PPA1: variants seen among roughly 807,000 people sequenced by gnomAD.
PPA1 encodes the protein inorganic pyrophosphatase 1, also known as inorganic pyrophosphatase.
A neutral mutation model predicts 41.8 loss-of-function variants in PPA1; 23 were observed. The ratio of observed to expected loss-of-function variants is 0.55; its 90% CI spans 0.40 to 0.78. The LOEUF (loss-of-function observed/expected upper bound fraction) is 0.78. Among genes scored for constraint, PPA1 ranks in the 30% least tolerant of loss-of-function variants. The pLI, the probability that PPA1 is intolerant of heterozygous loss-of-function variation, is 0.00. For missense variants in PPA1, 320 were observed against 361.6 expected, an observed-to-expected ratio of 0.89 and a Z score of 0.93; for synonymous variants, 101 against 116.8, an observed-to-expected ratio of 0.86 and a Z score of 0.87.
At chr10:70,233,185 C>G (rs1197052258) in intron 1 of PPA1, 79 bp downstream of exon 1, 12 of 1,453,246 alleles carry the variant, frequency 8.3e-6, no homozygotes, top group Non-Finnish European at 1.0e-5. Flanking sequence ...CGAGCGCGGG[C>G]CGCACCCTCC....
At position 70,221,058 on chromosome 10, in the gene PPA1, T is replaced by TTATATATA. The variant is rs1470145450; in HGVS notation, c.124-2249_124-2242dup. Among the ~76,000 whole-genome samples, 140 of 23,190 alleles carry TTATATATA rather than the reference T, an allele frequency of 6.0e-3. 13 individuals carry two copies. Among genetic ancestry groups the TTATATATA allele is most frequent in the African/African-American group, 0.055 (134 of 2,444 alleles). The allele number at this position is 23,190 out of a possible 152,430, so 15.2% of individuals were successfully genotyped here. A position where few individuals can be genotyped will look rare whatever the true frequency, so the allele number is the denominator to read the frequency against. ...TATATAAATTATATATATATATAAT[T>TTATATATA]TATATATATATATATATATTTTTTT... On this transcript the variant is annotated intron_variant, in intron 2 of 10. Transcript: ENST00000373232.
chr10:70,233,037 G>A (rs955052063), intron 1 of PPA1, among the ~76,000 whole-genome samples: 3 of 152,152 alleles, frequency 2.0e-5, no homozygotes, highest in Admixed American at 2.0e-4. Flanking sequence ...GTGACAAAGG[G>A]ACCATCTCCG....
Position 70,214,588 on chromosome 10 carries a change from TAA to T in PPA1, c.298-4_298-3del. ...ATTGTGCCCTGGGTCTTCCCAAGTC[TAA>T]AAATATAAGACAGTGTATATCATTC... On this transcript the variant is annotated splice_polypyrimidine_tract_variant and splice_region_variant and intron_variant, in intron 4 of 10. Transcript: ENST00000373232. 2 of 1,608,076 alleles carry T rather than the reference TAA, an allele frequency of 1.2e-6. No homozygotes were observed. The highest frequency in any genetic ancestry group is 1.7e-6 in the Non-Finnish European group (2 of 1,174,760).
At chr10:70,223,899 C>A (rs1197045160) in intron 2 of PPA1, among the ~76,000 whole-genome samples, 10 of 152,180 alleles carry the variant, frequency 6.6e-5, no homozygotes, top group Non-Finnish European at 1.3e-4. Flanking sequence ...CTTCCCAGAA[C>A]TCCATCCTCC....
intron 2 of PPA1, among the ~76,000 whole-genome samples, chr10:70,223,263 G>T (rs1007301438): frequency 6.6e-6 from 1 of 151,322 alleles, no homozygotes; most frequent in Non-Finnish European, 1.5e-5. Context: ...CATCCAGACT[G>T]GAGTACAGTG....
intron 2 of PPA1, among the ~76,000 whole-genome samples, chr10:70,223,750 C>T (rs750398912): frequency 1.3e-5 from 2 of 152,172 alleles, no homozygotes; most frequent in African/African-American, 2.4e-5. Flanking sequence ...CCAATATTCA[C>T]GCACTTAAAA....
chr10:70,221,060 A>T (rs866389518), intron 2 of PPA1, among the ~76,000 whole-genome samples: 449 of 15,140 alleles, frequency 0.03, 56 homozygotes, highest in African/African-American at 0.19. Context: ...TATATAATTT[A>T]TATATATATA....
intron 2 of PPA1, among the ~76,000 whole-genome samples, chr10:70,220,732 A>G (rs1840140652): frequency 6.9e-5 from 1 of 14,404 alleles, no homozygotes; most frequent in African/African-American, 3.7e-4. Context: ...TATATAATAT[A>G]TATAATTTAT....
At chr10:70,220,823 T>TTTTTATATATA (rs1840144749) in intron 2 of PPA1, among the ~76,000 whole-genome samples, 1 of 4,198 alleles carries the variant, frequency 2.4e-4, no homozygotes, top group Non-Finnish European at 3.5e-4. Context: ...TTATATATAT[T>TTTTTATATATA]ATATATATAA....
intron 2 of PPA1, among the ~76,000 whole-genome samples, chr10:70,225,104 A>G (rs1467372645): frequency 6.6e-6 from 1 of 152,204 alleles, no homozygotes; most frequent in Admixed American, 6.5e-5. Flanking sequence ...AGTGGCTGAC[A>G]TTAGCATTTT....
intron 1 of PPA1, among the ~76,000 whole-genome samples, chr10:70,232,861 C>A (rs911677226): frequency 1.3e-5 from 2 of 152,100 alleles, no homozygotes; most frequent in Non-Finnish European, 2.9e-5. Context: ...ACTGCCCCCC[C>A]CGGCCCGGAG....
At chr10:70,218,047 T>C (rs1039910272) in intron 3 of PPA1, 116 bp from the exon 4 acceptor site, 22 of 966,594 alleles carry the variant, frequency 2.3e-5, no homozygotes, top group African/African-American at 2.0e-4. Flanking sequence ...TAATGATATA[T>C]TTTATCCCTA....
At chr10:70,204,664 T>C in intron 10 of PPA1, 1 of 468,470 alleles carries the variant, frequency 2.1e-6, no homozygotes, top group South Asian at 4.2e-5. Context: ...CAAATGTTTT[T>C]ACCACACAAC....
chr10:70,233,213 G>T, intron 1 of PPA1, 51 bp downstream of exon 1: 1 of 1,518,744 alleles, frequency 6.6e-7, no homozygotes, highest in Non-Finnish European at 8.8e-7. Flanking sequence ...GCAAGGCCCG[G>T]GAATGAATGG....
At chr10:70,220,344 C>G (rs1840124490) in intron 2 of PPA1, among the ~76,000 whole-genome samples, 1 of 144,310 alleles carries the variant, frequency 6.9e-6, no homozygotes, top group Non-Finnish European at 1.5e-5. Context: ...CCTCAACCAC[C>G]CTGGCTCAAG....
chr10:70,221,932 A>G (rs1840174479), intron 2 of PPA1, among the ~76,000 whole-genome samples: 1 of 152,222 alleles, frequency 6.6e-6, no homozygotes, highest in African/African-American at 2.4e-5. Flanking sequence ...ACATAAATCT[A>G]CATAATTAAT....
chr10:70,233,381 C>G lies in PPA1; in HGVS notation c.-54G>C, dbSNP rs1442942704. The G allele has an allele frequency of 5.2e-6, 8 of 1,524,648 alleles. No individual in the cohort carries two copies. The highest frequency in any genetic ancestry group is 2.8e-5 in the African/African-American group (2 of 70,832). 94.4% of individuals were successfully genotyped at this position (1,524,648 alleles called of 1,614,324 possible). On this transcript the variant is annotated 5_prime_UTR_variant, in exon 1 of 11. Coordinates refer to ENST00000373232, the MANE Select transcript of PPA1 (RefSeq NM_021129.4). Reference sequence around the variant, plus strand: ...CACAGAGCCACCAGCCCGCACGCGGCGCCGACTGACAAGGAGAGAGCCCCA... The same window carrying G: ...CACAGAGCCACCAGCCCGCACGCGGGGCCGACTGACAAGGAGAGAGCCCCA...
At chr10:70,222,699 A>G (rs1840188578) in intron 2 of PPA1, among the ~76,000 whole-genome samples, 1 of 151,904 alleles carries the variant, frequency 6.6e-6, no homozygotes, top group Non-Finnish European at 1.5e-5. Flanking sequence ...ATTATACTTT[A>G]AGTTTTAGGG....
intron 3 of PPA1, 93 bp from the exon 4 acceptor site, chr10:70,218,024 C>A (rs573807317): frequency 2.6e-5 from 29 of 1,129,854 alleles, no homozygotes; most frequent in Admixed American, 2.5e-4. Context: ...ACCTATGTTC[C>A]CTAATTCCAC....
Sources: allele counts gnomAD v4.1 joint callset (sites outside exome capture counted in the v4.1 genomes callset), GRCh38; gene constraint gnomAD v4.1.1; transcripts MANE v1.5; gene names NCBI Gene and HGNC (gene_info 2026-07-23, HGNC 2026-07-21).